PARD3B: variants seen among roughly 807,000 people sequenced by gnomAD.
PARD3B encodes the protein par-3 family cell polarity regulator beta.
Under a neutral mutation model 130.2 loss-of-function variants are expected in PARD3B, and 103 were observed. The ratio of observed to expected loss-of-function variants is 0.79; its 90% confidence interval spans 0.67 to 0.93. The LOEUF (loss-of-function observed/expected upper bound fraction) is 0.93, where lower values mean the gene tolerates loss of function less well. PARD3B is among the 40% of genes least tolerant of loss of function. PARD3B has a pLI of 0.00. For missense variants in PARD3B, 1,609 were observed against 1,499.2 expected, an observed-to-expected ratio of 1.07 and a Z score of -1.21; for synonymous variants, 583 against 553.2, an observed-to-expected ratio of 1.05 and a Z score of -0.76.
chr2:205,305,445 G>A (rs548640723), intron 18 of PARD3B, among the ~76,000 whole-genome samples: 1 of 152,306 alleles, frequency 6.6e-6, no homozygotes, highest in East Asian at 1.9e-4. Context: ...CATTCGTCCT[G>A]ATGGCCTCTG....
chr2:205,555,183 A>G (rs1460878059), intron 22 of PARD3B, among the ~76,000 whole-genome samples: 1 of 152,320 alleles, frequency 6.6e-6, no homozygotes, highest in East Asian at 1.9e-4. Context: ...ACCAATCTGC[A>G]CTCAGAGTGC....
At chr2:205,156,129 G>C (rs1008360640) in intron 10 of PARD3B, among the ~76,000 whole-genome samples, 2 of 151,794 alleles carry the variant, frequency 1.3e-5, no homozygotes, top group African/African-American at 2.4e-5. Flanking sequence ...GGATGAAATT[G>C]GAAATCATCA....
At chr2:204,931,275 G>C (rs1188012541) in intron 2 of PARD3B, among the ~76,000 whole-genome samples, 1 of 152,038 alleles carries the variant, frequency 6.6e-6, no homozygotes, top group African/African-American at 2.4e-5. Flanking sequence ...TTAAGGTTCA[G>C]TTTCCTTGTT....
At chr2:204,720,884 C>A (rs1183452178) in intron 2 of PARD3B, among the ~76,000 whole-genome samples, 2 of 152,094 alleles carry the variant, frequency 1.3e-5, no homozygotes, top group East Asian at 3.9e-4. Context: ...ATGTTCTTTT[C>A]ATCACTCTAC....
intron 2 of PARD3B, among the ~76,000 whole-genome samples, chr2:204,870,390 C>T (rs2125646280): frequency 6.6e-6 from 1 of 152,240 alleles, no homozygotes; most frequent in East Asian, 1.9e-4. Flanking sequence ...AATGCCTGTG[C>T]TCTGTTTGCA....
chr2:204,950,026 A>G (rs193051848), intron 2 of PARD3B, among the ~76,000 whole-genome samples: 3 of 152,232 alleles, frequency 2.0e-5, no homozygotes, highest in South Asian at 2.1e-4. Flanking sequence ...GATTACAATA[A>G]TAGCTAGCAT....
rs1424230303 is a variant in PARD3B, at chr2:205,174,354, T to G, written c.1791+1973T>G. Among the ~76,000 whole-genome samples, 4 of 152,220 alleles carry G rather than the reference T, an allele frequency of 2.6e-5. No homozygotes were observed. In the East Asian group the frequency reaches 7.7e-4, roughly 29 times the overall value. ...GTTTAAACAAGATCCATTTTTAGTT[T>G]CCCTAATATTTACATGCTTTCCATG... On this transcript the variant is annotated intron_variant, in intron 12 of 22. Transcript: ENST00000406610.
chr2:205,553,525 C>A, intron 22 of PARD3B, 122 bp downstream of exon 22: 1 of 884,566 alleles, frequency 1.1e-6, no homozygotes, highest in South Asian at 1.6e-5. Flanking sequence ...GCCTTGCTGC[C>A]GTCTGCTGTA....
rs111784863 is a variant in PARD3B, at chr2:205,460,504, A to T, written c.3044+19832A>T. The stretch of plus-strand genomic sequence containing the variant: ...ATTGAGGTACTTTACATGCAATATG[A>T]TGTCTCTTGAGCAACATTTAACTTT... On this transcript the variant is annotated intron_variant, in intron 20 of 22. Transcript: ENST00000406610. This position sits in a 1 kb window ranked among gnomAD's most constrained non-coding sequence, Gnocchi z 4.9. 6.6e-6 allele frequency among the ~76,000 whole-genome samples: 1 copy of T among 152,196 alleles called. No individual in the cohort carries two copies. Among genetic ancestry groups the T allele is most frequent in the Non-Finnish European group, 1.5e-5 (1 of 67,996 alleles).
At chr2:205,406,659 C>CT (rs777517284) in intron 19 of PARD3B, among the ~76,000 whole-genome samples, 2,280 of 87,446 alleles carry the variant, frequency 0.026, 186 homozygotes, top group African/African-American at 0.077. Context: ...TCTTGTGTAT[C>CT]TTTTTTTTTT....
At chr2:204,995,498 C>T (rs1255572967) in intron 3 of PARD3B, among the ~76,000 whole-genome samples, 7 of 149,512 alleles carry the variant, frequency 4.7e-5, no homozygotes, top group African/African-American at 1.5e-4. Context: ...ACCTTTCTCT[C>T]TGACTGCCCT....
At chr2:204,712,260 C>G (rs2038478651) in intron 2 of PARD3B, among the ~76,000 whole-genome samples, 1 of 152,144 alleles carries the variant, frequency 6.6e-6, no homozygotes, top group Non-Finnish European at 1.5e-5. Flanking sequence ...TGTGTTAGGA[C>G]TTTACTGCTT....
intron 1 of PARD3B, among the ~76,000 whole-genome samples, chr2:204,654,290 A>G (rs2035576468): frequency 6.6e-6 from 1 of 151,294 alleles, no homozygotes; most frequent in Admixed American, 6.6e-5. Flanking sequence ...GTGACAACCT[A>G]ATGCAGGTTC....
chr2:204,756,425 A>G (rs1369883357), intron 2 of PARD3B, among the ~76,000 whole-genome samples: 1 of 152,076 alleles, frequency 6.6e-6, no homozygotes, highest in African/African-American at 2.4e-5. Context: ...CAAGAGTTAT[A>G]TTTTTTCTCC....
At chr2:204,755,319 A>T (rs1452299494) in intron 2 of PARD3B, among the ~76,000 whole-genome samples, 2 of 152,118 alleles carry the variant, frequency 1.3e-5, no homozygotes, top group African/African-American at 4.8e-5. Context: ...AGGAAACTGT[A>T]AAAATAAGCT....
intron 15 of PARD3B, among the ~76,000 whole-genome samples, chr2:205,194,190 C>T (rs1000633628): frequency 4.6e-5 from 7 of 152,062 alleles, no homozygotes; most frequent in Non-Finnish European, 5.9e-5. Context: ...TTAGTAACAA[C>T]GAGAAAATAG....
At chr2:205,403,761 A>C (rs2046329468) in intron 19 of PARD3B, among the ~76,000 whole-genome samples, 1 of 152,192 alleles carries the variant, frequency 6.6e-6, no homozygotes, top group African/African-American at 2.4e-5. Context: ...GACTTGGAGG[A>C]GCAGAATTTG....
chr2:205,075,967 A>T (rs1188146948), intron 4 of PARD3B, among the ~76,000 whole-genome samples: 1 of 152,170 alleles, frequency 6.6e-6, no homozygotes, highest in African/African-American at 2.4e-5. Context: ...CTATGAAATT[A>T]TATATTTTAT....
chr2:205,035,784 T>C (rs1253130966), intron 3 of PARD3B, among the ~76,000 whole-genome samples: 1 of 113,398 alleles, frequency 8.8e-6, no homozygotes, highest in Non-Finnish European at 1.8e-5. Context: ...TCTATCGGAG[T>C]CAGAGATATA....
Sources: gnomAD v4.1 joint callset for allele counts (sites outside exome capture counted in the v4.1 genomes callset) on GRCh38, gnomAD v4.1.1 for gene constraint, Gnocchi (gnomAD v3.1) non-coding constraint, MANE v1.5 for transcripts, NCBI Gene and HGNC (gene_info 2026-07-23, HGNC 2026-07-21) for gene names.